The following UNC13C variants were observed in gnomAD, a reference collection of about 807,000 sequenced individuals.
UNC13C encodes protein unc-13 homolog C.
Under a neutral mutation model 245.4 loss-of-function variants are expected in UNC13C, and 174 were observed. The ratio of observed to expected loss-of-function variants is 0.71; its 90% CI spans 0.63 to 0.80. The LOEUF is 0.80. Ranked by LOEUF, UNC13C falls within the 30% of genes least tolerant of loss-of-function variation. The pLI is 0.00. For missense variants in UNC13C, 2,829 were observed against 2,602.9 expected, an observed-to-expected ratio of 1.09 and a Z score of -1.89; for synonymous variants, 992 against 895.1, an observed-to-expected ratio of 1.11 and a Z score of -1.93.
intron 13 of UNC13C, among the ~76,000 whole-genome samples, chr15:54,303,339 C>A (rs930697510): frequency 3.3e-5 from 5 of 152,100 alleles, no homozygotes; most frequent in Admixed American, 1.3e-4. Context: ...ATTGTTCTGC[C>A]TAAAGAAAGG....
At chr15:53,861,028 T>C in the UNC13C span, among the ~76,000 whole-genome samples, 2 of 152,202 alleles carry the variant, frequency 1.3e-5, no homozygotes, top group Non-Finnish European at 2.9e-5. Flanking sequence ...TGTCAATGTA[T>C]TTAAATATTC....
At chr15:54,220,364 C>T (rs1200162812) in intron 4 of UNC13C, among the ~76,000 whole-genome samples, 1 of 145,198 alleles carries the variant, frequency 6.9e-6, no homozygotes, top group Non-Finnish European at 1.5e-5. Flanking sequence ...CCAAACAGCG[C>T]ATGTTCTCAC....
intron 3 of UNC13C, among the ~76,000 whole-genome samples, chr15:54,143,357 A>G (rs866375868): frequency 2.6e-5 from 4 of 152,172 alleles, no homozygotes; most frequent in Admixed American, 6.5e-5. Flanking sequence ...TGTGCATATC[A>G]AGTTTTAAGG....
rs79875377 is a variant in UNC13C at position 54,242,486 on chromosome 15, A to G, written c.3228+4796A>G. 2.9e-3 allele frequency among the ~76,000 whole-genome samples: 438 copies of G among 152,162 alleles called. 1 individual carries two copies. The highest frequency in any genetic ancestry group is 4.4e-3 in the Non-Finnish European group (300 of 67,978). On this transcript the variant is annotated intron_variant, in intron 7 of 32. Coordinates refer to ENST00000260323, the MANE Select transcript of UNC13C (RefSeq NM_001080534.3). The stretch of plus-strand genomic sequence containing the variant: ...ACAAAAATGTGTGCCATTTTATCCT[A>G]TTATTATTTATGTGTATTTTCTCTC...
chr15:54,414,282 T>A (rs1351494057), intron 18 of UNC13C, among the ~76,000 whole-genome samples: 2 of 152,138 alleles, frequency 1.3e-5, no homozygotes, highest in Non-Finnish European at 1.5e-5. Context: ...ATATATGAGG[T>A]GTGATTTTTT....
intron 17 of UNC13C, among the ~76,000 whole-genome samples, chr15:54,345,729 G>A (rs770911210): frequency 1.7e-4 from 26 of 151,992 alleles, no homozygotes; most frequent in African/African-American, 4.4e-4. Context: ...CCATGTTTAC[G>A]TGACTATCCT....
intron 10 of UNC13C, among the ~76,000 whole-genome samples, chr15:54,287,471 C>CA (rs2037179246): frequency 6.6e-6 from 1 of 152,182 alleles, no homozygotes. Flanking sequence ...ATTAATCTCA[C>CA]ATTAAGCCAC....
At chr15:53,882,035 C>T in the UNC13C span, among the ~76,000 whole-genome samples, 5 of 152,120 alleles carry the variant, frequency 3.3e-5, no homozygotes, top group Non-Finnish European at 7.4e-5. Flanking sequence ...TTGAGGATAT[C>T]CAGAACGTGC....
intron 7 of UNC13C, among the ~76,000 whole-genome samples, chr15:54,238,021 C>T (rs1244214192): frequency 6.6e-6 from 1 of 151,192 alleles, no homozygotes; most frequent in Non-Finnish European, 1.5e-5. Flanking sequence ...CAAACATCTT[C>T]CATCTTCCTC....
chr15:54,189,430 G>C (rs1329162014), intron 4 of UNC13C, among the ~76,000 whole-genome samples: 1 of 152,012 alleles, frequency 6.6e-6, no homozygotes. Flanking sequence ...CATGACACCA[G>C]TTGCCTGCTG....
At chr15:54,583,405 C>A (rs1243277260) in intron 30 of UNC13C, among the ~76,000 whole-genome samples, 2 of 152,050 alleles carry the variant, frequency 1.3e-5, no homozygotes, top group African/African-American at 4.8e-5. Flanking sequence ...CTTAAAAAGG[C>A]CTTTATGAAA....
At chr15:54,393,262 G>T in intron 18 of UNC13C, 81 bp downstream of exon 18, 1 of 1,216,252 alleles carries the variant, frequency 8.2e-7, no homozygotes, top group South Asian at 2.7e-5. Context: ...AACATATACT[G>T]ACGACAATAA....
intron 17 of UNC13C, among the ~76,000 whole-genome samples, chr15:54,367,596 G>A (rs1198312766): frequency 6.6e-6 from 1 of 152,070 alleles, no homozygotes; most frequent in Non-Finnish European, 1.5e-5. Context: ...CTGATAGAAC[G>A]AATGAATCAA....
the UNC13C span, among the ~76,000 whole-genome samples, chr15:53,854,332 G>C: frequency 6.6e-6 from 1 of 151,590 alleles, no homozygotes; most frequent in Non-Finnish European, 1.5e-5. Context: ...TGTTGGTCAG[G>C]CTTGTCTCGA....
chr15:53,846,752 A>G, the UNC13C span, among the ~76,000 whole-genome samples: 1 of 152,304 alleles, frequency 6.6e-6, no homozygotes, highest in South Asian at 2.1e-4. Context: ...TCCTAATCCA[A>G]CTTATTTTCA....
intron 1 of UNC13C, among the ~76,000 whole-genome samples, chr15:54,001,273 C>CA (rs1894873491): frequency 6.6e-6 from 1 of 152,124 alleles, no homozygotes; most frequent in Non-Finnish European, 1.5e-5. Context: ...TAATACATGT[C>CA]ATACAGTATA....
At chr15:54,285,278 C>T (rs971398050) in intron 10 of UNC13C, among the ~76,000 whole-genome samples, 3 of 151,690 alleles carry the variant, frequency 2.0e-5, no homozygotes, top group Non-Finnish European at 2.9e-5. Context: ...AACTCCAATA[C>T]TCCAATAACT....
intron 1 of UNC13C, among the ~76,000 whole-genome samples, chr15:53,984,309 A>G: frequency 6.6e-6 from 1 of 152,102 alleles, no homozygotes; most frequent in East Asian, 1.9e-4. Flanking sequence ...CAGTTTCCAG[A>G]TACTGACATT....
chr15:54,260,343 A>G, intron 8 of UNC13C, among the ~76,000 whole-genome samples: 1 of 152,134 alleles, frequency 6.6e-6, no homozygotes, highest in Middle Eastern at 3.4e-3. Flanking sequence ...GTGACTGTTG[A>G]GTTTAAAAGA....
Sources: allele counts gnomAD v4.1 joint callset (sites outside exome capture counted in the v4.1 genomes callset), GRCh38; gene constraint gnomAD v4.1.1; transcripts MANE v1.5; gene names NCBI Gene and HGNC (gene_info 2026-07-23, HGNC 2026-07-21).